The following MYO5A variants were observed in gnomAD, a reference collection of about 807,000 sequenced individuals.
MYO5A encodes unconventional myosin-Va.
A neutral mutation model predicts 249.7 loss-of-function variants in MYO5A; 98 were observed. That is an observed-to-expected ratio of 0.39 (90% CI 0.33 to 0.46). The LOEUF is 0.46. Ranked by LOEUF, MYO5A falls within the 20% of genes least tolerant of loss-of-function variation. MYO5A has a pLI of 0.98. For synonymous variants in MYO5A, 778 were observed against 810.6 expected (o/e 0.96, Z 0.68); for missense variants, 1,696 against 2,308.8 (o/e 0.73, Z 5.44).
intron 9 of MYO5A, among the ~76,000 whole-genome samples, chr15:52,403,455 C>A (rs903702937): frequency 1.3e-5 from 2 of 152,156 alleles, no homozygotes; most frequent in African/African-American, 2.4e-5. Flanking sequence ...CACGAAAAAC[C>A]ACATATTATA....
In MYO5A at chr15:52,506,311, G is replaced by A. The variant is rs142967737; in HGVS notation, c.27+22469C>T. ...GCTTGCAGTAAGCCAAGACTGCGCC[G>A]CTGCACTCCAGCCTGGGTGACAGAG... On this transcript the variant is annotated intron_variant, in intron 1 of 41. Transcript: ENST00000399233. 5.0e-4 allele frequency among the ~76,000 whole-genome samples: 76 copies of A among 152,024 alleles called. No individual in the cohort carries two copies. In the Middle Eastern group the frequency reaches 0.01, roughly 20 times the overall value.
intron 1 of MYO5A, among the ~76,000 whole-genome samples, chr15:52,501,136 AT>A (rs984722445): frequency 1.1e-4 from 16 of 151,434 alleles, no homozygotes; most frequent in Admixed American, 2.6e-4. Context: ...GGCCCGGCTA[AT>A]TTTTTTTGTA....
intron 1 of MYO5A, among the ~76,000 whole-genome samples, chr15:52,526,403 C>T (rs990014341): frequency 2.6e-5 from 4 of 151,824 alleles, no homozygotes; most frequent in Admixed American, 6.6e-5. Context: ...GACAGAGTTT[C>T]GCTCTTGTTG....
At chr15:52,330,061 G>A (rs185902903) in intron 35 of MYO5A, among the ~76,000 whole-genome samples, 60 of 151,566 alleles carry the variant, frequency 4.0e-4, no homozygotes, top group Admixed American at 9.2e-4. Context: ...CTGGGCAAGA[G>A]GGAGAGAGAT....
intron 1 of MYO5A, among the ~76,000 whole-genome samples, chr15:52,441,248 C>T (rs969928472): frequency 3.3e-5 from 5 of 152,002 alleles, no homozygotes; most frequent in African/African-American, 1.2e-4. Context: ...TAGAAAATTG[C>T]CCCCCTTAGT....
At chr15:52,365,113 T>G (rs1181095502) in intron 23 of MYO5A, among the ~76,000 whole-genome samples, 2 of 152,244 alleles carry the variant, frequency 1.3e-5, no homozygotes, top group Non-Finnish European at 2.9e-5. Context: ...TCAAGAGAGA[T>G]ATTTCTCAAG....
chr15:52,339,242 T>C (rs895432401), intron 32 of MYO5A, among the ~76,000 whole-genome samples: 1 of 152,150 alleles, frequency 6.6e-6, no homozygotes, highest in African/African-American at 2.4e-5. Flanking sequence ...AATGGAGTAA[T>C]GGAGGGATAA....
chr15:52,410,167 C>G (rs1218478232), intron 6 of MYO5A, among the ~76,000 whole-genome samples, 166 bp downstream of exon 6: 3 of 152,200 alleles, frequency 2.0e-5, no homozygotes, highest in Non-Finnish European at 4.4e-5. Flanking sequence ...TACTCCCTTG[C>G]CTCTAACAGG....
chr15:52,469,435 G>A (rs1471365773), intron 1 of MYO5A, among the ~76,000 whole-genome samples: 2 of 152,154 alleles, frequency 1.3e-5, no homozygotes, highest in African/African-American at 4.8e-5. Flanking sequence ...TGGAAGTGGA[G>A]AATCATAAAG....
At chr15:52,414,384 A>C (rs1165405266) in intron 5 of MYO5A, among the ~76,000 whole-genome samples, 1 of 152,188 alleles carries the variant, frequency 6.6e-6, no homozygotes, top group Non-Finnish European at 1.5e-5. Context: ...AGCAACACTA[A>C]ATGGACTAAG....
At chr15:52,322,796 G>T (rs2038393953) in intron 37 of MYO5A, among the ~76,000 whole-genome samples, 1 of 149,506 alleles carries the variant, frequency 6.7e-6, no homozygotes, top group African/African-American at 2.5e-5. Context: ...GGATTTTAAG[G>T]TCCTCTTATT....
chr15:52,431,219 A>G, intron 2 of MYO5A, among the ~76,000 whole-genome samples: 2 of 147,110 alleles, frequency 1.4e-5, no homozygotes, highest in African/African-American at 5.1e-5. Flanking sequence ...GTGACAGAGC[A>G]AAATTCCGTC....
intron 1 of MYO5A, among the ~76,000 whole-genome samples, chr15:52,476,586 T>C (rs1361597104): frequency 2.0e-5 from 3 of 152,244 alleles, no homozygotes; most frequent in African/African-American, 7.2e-5. Flanking sequence ...AAGGCAGGCC[T>C]GGTGGTGACA....
chr15:52,496,077 TA>T (rs1400034828), intron 1 of MYO5A, among the ~76,000 whole-genome samples: 1 of 129,628 alleles, frequency 7.7e-6, no homozygotes, highest in African/African-American at 2.8e-5. Context: ...GTATAATTTT[TA>T]AAAAAAAGAG....
chr15:52,382,329 C>T (rs945260933), intron 16 of MYO5A, among the ~76,000 whole-genome samples: 1 of 152,114 alleles, frequency 6.6e-6, no homozygotes, highest in African/African-American at 2.4e-5. Context: ...TGTAATCCCA[C>T]TGGGAGGCCG....
At chr15:52,400,577 A>G (rs930130901) in intron 9 of MYO5A, among the ~76,000 whole-genome samples, 5 of 152,186 alleles carry the variant, frequency 3.3e-5, no homozygotes, top group African/African-American at 9.7e-5. Context: ...GTCTCCTTTA[A>G]CATGAACAGT....
chr15:52,450,843 G>GTTTTTTGTT lies in MYO5A; in HGVS notation c.28-17559_28-17558insAACAAAAAA, dbSNP rs769982056. 3.5e-3 allele frequency among the ~76,000 whole-genome samples: 292 copies of GTTTTTTGTT among 84,512 alleles called. 2 individuals are homozygous for GTTTTTTGTT. Among genetic ancestry groups the GTTTTTTGTT allele is most frequent in the East Asian group, 0.029 (46 of 1,562 alleles). The allele number at this position is 84,512 out of a possible 152,430, so 55.4% of individuals were successfully genotyped here. A position where few individuals can be genotyped will look rare whatever the true frequency, so the allele number is the denominator to read the frequency against. On this transcript the variant is annotated intron_variant, in intron 1 of 41. Coordinates refer to ENST00000399233, the MANE Select transcript of MYO5A (RefSeq NM_001382347.1). ...CTTATGATTAGATTGCACTACTGTG[G>GTTTTTTGTT]TTTTTTTTTTTTTTTTTTTTTTGTG...
intron 1 of MYO5A, among the ~76,000 whole-genome samples, chr15:52,470,532 C>T (rs897458273): frequency 1.3e-5 from 2 of 152,116 alleles, no homozygotes; most frequent in African/African-American, 4.8e-5. Flanking sequence ...TCTCTGTAAT[C>T]CCAGCTACTC....
intron 1 of MYO5A, among the ~76,000 whole-genome samples, chr15:52,487,128 G>T (rs1167206276): frequency 6.6e-6 from 1 of 152,162 alleles, no homozygotes; most frequent in Non-Finnish European, 1.5e-5. Context: ...GCTAAAATGG[G>T]TACTAGGGCC....
Sources: allele counts gnomAD v4.1 joint callset (sites outside exome capture counted in the v4.1 genomes callset), GRCh38; gene constraint gnomAD v4.1.1; transcripts MANE v1.5; gene names NCBI Gene and HGNC (gene_info 2026-07-23, HGNC 2026-07-21).